The following IRGC variants were observed in gnomAD, a reference collection of about 807,000 sequenced individuals.
IRGC encodes interferon-inducible GTPase 5.
Under a neutral mutation model 16.1 loss-of-function variants are expected in IRGC, and 4 were observed. The observed-to-expected ratio is 0.25, with a 90% CI of 0.12 to 0.57. The LOEUF (loss-of-function observed/expected upper bound fraction) is 0.57, where lower values mean the gene tolerates loss of function less well. Among genes scored for constraint, IRGC ranks in the 20% least tolerant of loss-of-function variants. The pLI, the probability that IRGC is intolerant of heterozygous loss-of-function variation, is 0.92. For missense variants in IRGC, 570 were observed against 643.9 expected, an observed-to-expected ratio of 0.89 and a Z score of 1.24; for synonymous variants, 307 against 299.5, an observed-to-expected ratio of 1.03 and a Z score of -0.26.
chr19:43,717,954 A>G (rs534021263), intron 1 of IRGC, among the ~76,000 whole-genome samples: 42 of 152,322 alleles, frequency 2.8e-4, no homozygotes, highest in African/African-American at 1.0e-3. Context: ...CTGTGGTCCC[A>G]GCTGTTCAGG....
At position 43,719,667 on chromosome 19, in the gene IRGC, C is replaced by G; in HGVS notation, c.1109C>G (p.Thr370Arg). 6.2e-7 allele frequency: 1 copy of G among 1,609,442 alleles called. No homozygotes were observed. The highest frequency in any genetic ancestry group is 8.5e-7 in the Non-Finnish European group (1 of 1,179,936). ...GAGAGGGGCATCCCTGTGTTTGGGA[C>G]GCTGGTGGCTGGCGGCATCAGCTTT... Reference protein sequence around the residue: ...AFERGIPVFGTLVAGGISFGA... With the variant: ...AFERGIPVFGRLVAGGISFGA... Residue 370 changes from threonine to arginine, a missense_variant, in exon 2 of 2, where the codon ACG becomes AGG. Coordinates refer to ENST00000244314, the MANE Select transcript of IRGC (RefSeq NM_019612.4).
Position 43,718,708 on chromosome 19 carries a change from G to A in IRGC, c.150G>A (p.Thr50=), listed in dbSNP as rs775944512. ...ACCTCCAGGAGCTGCTGGCCTCCACGGAAAGCATCCGCCTGGAGGTGGGCG... is the reference window on the plus strand; with the variant it reads ...ACCTCCAGGAGCTGCTGGCCTCCACAGAAAGCATCCGCCTGGAGGTGGGCG... The part of the protein sequence containing the change: ...ASHLQELLAS[T]ESIRLEVGVT... The change falls in exon 2 of 2, where the codon ACG becomes ACA. Residue 50 remains threonine, a synonymous_variant. Transcript: ENST00000244314. 152 of 1,613,412 alleles carry A rather than the reference G, an allele frequency of 9.4e-5. No homozygotes were observed. Among genetic ancestry groups the A allele is most frequent in the Non-Finnish European group, 1.2e-4 (147 of 1,180,020 alleles).
chr19:43,718,481 T>C lies in IRGC; in HGVS notation c.-66-12T>C. On this transcript the variant is annotated splice_polypyrimidine_tract_variant and intron_variant, in intron 1 of 1. Coordinates refer to ENST00000244314, the MANE Select transcript of IRGC (RefSeq NM_019612.4). ...GCCCAGGAGGTGTGAATGGCTCCCT[T>C]CTCCTCTGCAGGCGCTGAGGATCAC... 2.0e-6 allele frequency: 3 copies of C among 1,503,884 alleles called. No individual in the cohort carries two copies. The highest frequency in any genetic ancestry group is 2.7e-6 in the Non-Finnish European group (3 of 1,130,610). 93.2% of individuals were successfully genotyped at this position (1,503,884 alleles called of 1,614,324 possible). A position where few individuals can be genotyped will look rare whatever the true frequency, so the allele number is the denominator to read the frequency against.
Position 43,718,805 on chromosome 19 carries a change from G to T in IRGC, c.247G>T (p.Gly83Cys). Residue 83 changes from glycine (G) to cysteine (C), a missense_variant, in exon 2 of 2, where the codon GGC (glycine) becomes TGC (cysteine). Transcript: ENST00000244314. ...ALRGLEAEDP[G>C]AALTGVMETT... is the part of the protein sequence containing the mutation. The stretch of plus-strand genomic sequence containing the variant: ...GCGTGGCCTGGAGGCCGAGGACCCT[G>T]GCGCGGCTCTCACGGGCGTCATGGA... 1 of 1,612,924 alleles carries T rather than the reference G, an allele frequency of 6.2e-7. No individual in the cohort carries two copies. The highest frequency in any genetic ancestry group is 8.5e-7 in the Non-Finnish European group (1 of 1,179,966).
At chr19:43,718,278 G>A in intron 1 of IRGC, 1 of 400,750 alleles carries the variant, frequency 2.5e-6, no homozygotes, top group Non-Finnish European at 4.3e-6. Context: ...TTTTGCCCCT[G>A]GTCACACAGC....
Position 43,719,284 on chromosome 19 carries a change from C to G in IRGC, c.726C>G (p.His242Gln). The G allele has an allele frequency of 1.2e-6, 2 of 1,608,992 alleles. No individual in the cohort carries two copies. Among genetic ancestry groups the G allele is most frequent in the Non-Finnish European group, 1.7e-6 (2 of 1,177,248 alleles). ...ACGACCTGCCCTCCCACCGGCGCCA[C>G]GCTGGCCTGCTGTCGCTCCCCGACA... ...WEHDLPSHRRHAGLLSLPDIS... is the reference protein window; with the variant it reads ...WEHDLPSHRRQAGLLSLPDIS... Residue 242 changes from histidine to glutamine, a missense_variant, in exon 2 of 2, where the codon CAC becomes CAG. Coordinates refer to ENST00000244314, the MANE Select transcript of IRGC (RefSeq NM_019612.4).
Position 43,716,512 on chromosome 19 carries a change from A to G in IRGC, c.-67+370A>G, listed in dbSNP as rs371290286. ...GCCACAACACCTGGCTAATTTTTGT[A>G]TTTTTAGTGGAGATGGAGTTTCACC... On this transcript the variant is annotated intron_variant, in intron 1 of 1. Coordinates refer to ENST00000244314, the MANE Select transcript of IRGC (RefSeq NM_019612.4). Among the ~76,000 whole-genome samples the G allele has an allele frequency of 2.7e-4, 41 of 152,084 alleles. 1 individual carries two copies. Among genetic ancestry groups the G allele is most frequent in the African/African-American group, 8.9e-4 (37 of 41,504 alleles).
At position 43,718,633 on chromosome 19, in the gene IRGC, G is replaced by T. The variant is rs1399331079; in HGVS notation, c.75G>T (p.Glu25Asp). 1 of 1,613,380 alleles carries T rather than the reference G, an allele frequency of 6.2e-7. No homozygotes were observed. The change falls in exon 2 of 2, where the codon GAG (glutamate) becomes GAT (aspartate). Residue 25 changes from glutamate to aspartate, a missense_variant. Glu to Asp is a conservative substitution (Grantham distance 45). Transcript: ENST00000244314. ...TCCTTATGGCCAAGGAAAGGCTGGA[G>T]GCCCTGCGCACAGCCTTTGAGTCGG... ...NTILMAKERL[E>D]ALRTAFESGD... is the part of the protein sequence containing the mutation.
In IRGC at chr19:43,719,840, T is replaced by C. The variant is rs750524939; in HGVS notation, c.1282T>C (p.Ser428Pro). Residue 428 changes from serine to proline, a missense_variant, in exon 2 of 2, where the codon TCC becomes CCC. By Grantham distance (74) the Ser-to-Pro change is moderately conservative (BLOSUM62 -1). Coordinates refer to ENST00000244314, the MANE Select transcript of IRGC (RefSeq NM_019612.4). ...ASDNGVEKGG[S>P]GEGGGEEAPL... ...TGACAATGGCGTGGAAAAGGGGGGC[T>C]CCGGGGAGGGAGGTGGGGAGGAAGC... 1 of 1,613,636 alleles carries C rather than the reference T, an allele frequency of 6.2e-7. No homozygotes were observed. The highest frequency in any genetic ancestry group is 8.5e-7 in the Non-Finnish European group (1 of 1,179,900).
At position 43,719,930 on chromosome 19, in the gene IRGC, C is replaced by T. The variant is rs763753360; in HGVS notation, c.1372C>T (p.His458Tyr). 4.3e-6 allele frequency: 7 copies of T among 1,613,324 alleles called. No homozygotes were observed. Among genetic ancestry groups the T allele is most frequent in the Non-Finnish European group, 5.9e-6 (7 of 1,180,046 alleles). The change falls in exon 2 of 2, where the codon CAC (histidine) becomes TAC (tyrosine). Residue 458 changes from histidine (H) to tyrosine (Y), a missense_variant. Transcript: ENST00000244314. ...GTACATTCTGGACAGCTGGAAGAAA[C>T]ACGACTCAGAAGAGAAATAAAGAGT... ...LKYILDSWKK[H>Y]DSEEK
intron 1 of IRGC, among the ~76,000 whole-genome samples, chr19:43,717,720 A>G (rs1968192082): frequency 6.6e-6 from 1 of 152,214 alleles, no homozygotes; most frequent in Non-Finnish European, 1.5e-5. Flanking sequence ...CCCTGGCTAT[A>G]TAATTTGCAA....
intron 1 of IRGC, among the ~76,000 whole-genome samples, chr19:43,717,923 G>C (rs995253327): frequency 2.0e-5 from 3 of 152,284 alleles, no homozygotes; most frequent in Middle Eastern, 3.4e-3. Flanking sequence ...TTAAAAAGTA[G>C]CTGGGCATGG....
chr19:43,717,504 G>A (rs553764378), intron 1 of IRGC, among the ~76,000 whole-genome samples: 1 of 152,276 alleles, frequency 6.6e-6, no homozygotes, highest in East Asian at 1.9e-4. Flanking sequence ...GTGTTCAGAT[G>A]AGGAGAGTGA....
In IRGC at chr19:43,719,293, G is replaced by T. The variant is rs1398405084; in HGVS notation, c.735G>T (p.Leu245=). Residue 245 remains leucine (L), a synonymous_variant, in exon 2 of 2, where the codon CTG becomes CTT. Transcript: ENST00000244314. ...DLPSHRRHAG[L]LSLPDISLEA... is the part of the protein sequence containing the mutation. ...CCTCCCACCGGCGCCACGCTGGCCTGCTGTCGCTCCCCGACATCTCGCTGG... is the reference window on the plus strand; with the variant it reads ...CCTCCCACCGGCGCCACGCTGGCCTTCTGTCGCTCCCCGACATCTCGCTGG... The T allele has an allele frequency of 6.2e-7, 1 of 1,609,166 alleles. No homozygotes were observed. Among genetic ancestry groups the T allele is most frequent in the Non-Finnish European group, 8.5e-7 (1 of 1,177,226 alleles).
intron 1 of IRGC, among the ~76,000 whole-genome samples, chr19:43,716,889 T>G (rs1383496719): frequency 1.3e-5 from 2 of 152,140 alleles, no homozygotes; most frequent in South Asian, 2.1e-4. Context: ...CTTCTCCCTG[T>G]CAAATGGGGA....
chr19:43,720,004 C>A lies in IRGC; in HGVS notation c.*54C>A, dbSNP rs759153369. 25 of 1,591,754 alleles carry A rather than the reference C, an allele frequency of 1.6e-5. No individual in the cohort carries two copies. Among genetic ancestry groups the A allele is most frequent in the Non-Finnish European group, 2.0e-5 (23 of 1,167,302 alleles). On this transcript the variant is annotated 3_prime_UTR_variant, in exon 2 of 2. Transcript: ENST00000244314. ...CCACAAACTAAGTCTTAACAAAATCCAAATTACCAACAAAAAAGGCCGATG... is the reference window on the plus strand; with the variant it reads ...CCACAAACTAAGTCTTAACAAAATCAAAATTACCAACAAAAAAGGCCGATG...
At position 43,718,774 on chromosome 19, in the gene IRGC, T is replaced by C. The variant is rs1968214540; in HGVS notation, c.216T>C (p.Asn72=). 6.2e-6 allele frequency: 10 copies of C among 1,612,794 alleles called. No individual in the cohort carries two copies. Among genetic ancestry groups the C allele is most frequent in the African/African-American group, 1.3e-5 (1 of 74,936 alleles). ...GCGCGGGCAAGTCCTCCCTCATCAATGCCCTGCGTGGCCTGGAGGCCGAGG... is the reference window on the plus strand; with the variant it reads ...GCGCGGGCAAGTCCTCCCTCATCAACGCCCTGCGTGGCCTGGAGGCCGAGG... ...ESGAGKSSLI[N]ALRGLEAEDP... The change falls in exon 2 of 2, where the codon AAT becomes AAC. Residue 72 remains asparagine (N), a synonymous_variant. Coordinates refer to ENST00000244314, the MANE Select transcript of IRGC (RefSeq NM_019612.4).
rs1207095890 is a variant in IRGC at position 43,719,156 on chromosome 19, G to C, written c.598G>C (p.Glu200Gln). Residue 200 changes from glutamate (E) to glutamine (Q), a missense_variant, in exon 2 of 2, where the codon GAG becomes CAG. Transcript: ENST00000244314. ...VLQEIRDHCA[E>Q]RLREAGVADP... is the part of the protein sequence containing the mutation. ...GCAGGAGATCCGAGACCACTGTGCC[G>C]AGCGGCTGCGGGAGGCCGGCGTGGC... 6.2e-7 allele frequency: 1 copy of C among 1,609,950 alleles called. No homozygotes were observed. Among genetic ancestry groups the C allele is most frequent in the Admixed American group, 1.7e-5 (1 of 59,990 alleles).
chr19:43,719,833 G>C lies in IRGC; in HGVS notation c.1275G>C (p.Lys425Asn). 1 of 1,614,040 alleles carries C rather than the reference G, an allele frequency of 6.2e-7. No individual in the cohort carries two copies. Among genetic ancestry groups the C allele is most frequent in the Non-Finnish European group, 8.5e-7 (1 of 1,179,988 alleles). The part of the protein sequence containing the change: ...LEVASDNGVE[K>N]GGSGEGGGEE... ...TGGCCAGTGACAATGGCGTGGAAAAGGGGGGCTCCGGGGAGGGAGGTGGGG... is the reference window on the plus strand; with the variant it reads ...TGGCCAGTGACAATGGCGTGGAAAACGGGGGCTCCGGGGAGGGAGGTGGGG... Residue 425 changes from lysine (K) to asparagine (N), a missense_variant, in exon 2 of 2, where the codon AAG becomes AAC. By Grantham distance (94) the Lys-to-Asn change is moderately conservative (BLOSUM62 0). Coordinates refer to ENST00000244314, the MANE Select transcript of IRGC (RefSeq NM_019612.4).
Sources: gnomAD v4.1 joint callset for allele counts (sites outside exome capture counted in the v4.1 genomes callset) on GRCh38, gnomAD v4.1.1 for gene constraint, MANE v1.5 for transcripts, NCBI Gene and HGNC (gene_info 2026-07-23, HGNC 2026-07-21) for gene names.